Variants in COL14A1 observed in about 807,000 individuals in gnomAD.
COL14A1 encodes the protein collagen type XIV alpha 1 chain.
Under a neutral mutation model 230.3 loss-of-function variants are expected in COL14A1, and 136 were observed. The ratio of observed to expected loss-of-function variants is 0.59; its 90% confidence interval spans 0.51 to 0.68. COL14A1 has a LOEUF of 0.68. Ranked by LOEUF, COL14A1 falls within the 30% of genes least tolerant of loss-of-function variation. COL14A1 has a pLI of 0.00. For synonymous variants in COL14A1, 792 were observed against 784.1 expected (o/e 1.01, Z -0.17); for missense variants, 1,976 against 2,215.8 (o/e 0.89, Z 2.17).
chr8:120,228,872 C>A, intron 18 of COL14A1, 103 bp downstream of exon 18: 1 of 999,032 alleles, frequency 1.0e-6, no homozygotes, highest in Non-Finnish European at 1.5e-6. Flanking sequence ...AAGAGATGAC[C>A]CTCCCTTCCT....
intron 34 of COL14A1, 47 bp from the exon 35 acceptor site, chr8:120,297,464 A>AATTT: frequency 5.4e-6 from 5 of 920,166 alleles, no homozygotes; most frequent in East Asian, 6.5e-5. Context: ...TTATAAAGAT[A>AATTT]ATTTATATAT....
chr8:120,194,826 G>C (rs577132614), intron 5 of COL14A1, among the ~76,000 whole-genome samples: 30 of 152,160 alleles, frequency 2.0e-4, no homozygotes, highest in Admixed American at 4.6e-4. Context: ...GAGAAAAATG[G>C]GTTCTTGAAG....
chr8:120,210,050 T>G, intron 12 of COL14A1, 149 bp downstream of exon 12: 1 of 539,888 alleles, frequency 1.9e-6, no homozygotes, highest in Non-Finnish European at 2.8e-6. Flanking sequence ...CACTGAGAGA[T>G]AGCCATTGTT....
chr8:120,247,781 T>G lies in COL14A1; in HGVS notation c.2602+46T>G, dbSNP rs116034542. The G allele has an allele frequency of 3.0e-3, 4,730 of 1,594,444 alleles. 113 individuals carry two copies. The African/African-American group carries it at 0.054, about 18-fold the overall frequency. Reference sequence around the variant, plus strand: ...AATGTTGATACCATGAGTAGTCACTTAAAATGTCTTTTAAGATAAATTGTT... The same window carrying G: ...AATGTTGATACCATGAGTAGTCACTGAAAATGTCTTTTAAGATAAATTGTT... On this transcript the variant is annotated intron_variant, in intron 21 of 47. Coordinates refer to ENST00000297848, the MANE Select transcript of COL14A1 (RefSeq NM_021110.4).
At chr8:120,210,680 C>A (rs948680590) in intron 12 of COL14A1, among the ~76,000 whole-genome samples, 2 of 152,138 alleles carry the variant, frequency 1.3e-5, no homozygotes, top group Admixed American at 1.3e-4. Flanking sequence ...GGATGAATCT[C>A]TGGCACTTGG....
intron 2 of COL14A1, among the ~76,000 whole-genome samples, chr8:120,153,044 A>C (rs1010301353): frequency 1.3e-5 from 2 of 150,752 alleles, no homozygotes; most frequent in African/African-American, 4.9e-5. Flanking sequence ...AAATTACAAC[A>C]TATGAGGTTC....
chr8:120,149,674 A>T (rs1815210268), intron 2 of COL14A1, among the ~76,000 whole-genome samples: 1 of 145,068 alleles, frequency 6.9e-6, no homozygotes, highest in Admixed American at 7.5e-5. Flanking sequence ...TGTTAGCCAA[A>T]TTCTGTTTTT....
In COL14A1 at chr8:120,250,782, G is replaced by C. The variant is rs555661953; in HGVS notation, c.2752+16G>C. On this transcript the variant is annotated intron_variant, in intron 22 of 47. Transcript: ENST00000297848. ...GTGAAAACATGTAAGAGCCATTTCC[G>C]ATGGCCTCAGCCGCATATGGGTTTT... is the stretch of plus-strand genomic sequence containing the variant. 6.2e-7 allele frequency: 1 copy of C among 1,613,290 alleles called. No individual in the cohort carries two copies. The highest frequency in any genetic ancestry group is 1.7e-5 in the Admixed American group (1 of 59,844).
chr8:120,297,613 T>C (rs1198564006), intron 35 of COL14A1, 25 bp downstream of exon 35: 1 of 1,298,634 alleles, frequency 7.7e-7, no homozygotes, highest in Non-Finnish European at 1.0e-6. Context: ...TTCATTTCTA[T>C]TGATTTTTTA....
intron 24 of COL14A1, among the ~76,000 whole-genome samples, chr8:120,264,269 A>G (rs1819439371): frequency 6.6e-6 from 1 of 152,156 alleles, no homozygotes; most frequent in South Asian, 2.1e-4. Context: ...TGGTTTATCC[A>G]TGTTGTAGAT....
intron 12 of COL14A1, among the ~76,000 whole-genome samples, chr8:120,212,225 C>G (rs1313353781): frequency 6.6e-6 from 1 of 152,222 alleles, no homozygotes; most frequent in East Asian, 1.9e-4. Flanking sequence ...TATCCTAACA[C>G]AGTTCACATG....
intron 31 of COL14A1, among the ~76,000 whole-genome samples, chr8:120,283,390 C>T (rs182129682): frequency 6.6e-6 from 1 of 152,120 alleles, no homozygotes; most frequent in Admixed American, 6.5e-5. Context: ...ATATCATGCT[C>T]TTAAAAATAT....
At chr8:120,309,241 G>A (rs1820951012) in intron 36 of COL14A1, among the ~76,000 whole-genome samples, 1 of 152,082 alleles carries the variant, frequency 6.6e-6, no homozygotes, top group Non-Finnish European at 1.5e-5. Context: ...GGCCAATCTA[G>A]CTGAATTTAA....
At chr8:120,335,880 A>G (rs577793557) in intron 42 of COL14A1, among the ~76,000 whole-genome samples, 2 of 152,346 alleles carry the variant, frequency 1.3e-5, no homozygotes, top group East Asian at 3.9e-4. Flanking sequence ...GTGTTCAGCC[A>G]GGTAGACAGG....
chr8:120,134,813 A>G (rs1814654454), intron 1 of COL14A1, among the ~76,000 whole-genome samples: 1 of 152,148 alleles, frequency 6.6e-6, no homozygotes, highest in Non-Finnish European at 1.5e-5. Flanking sequence ...TGTCTCTACT[A>G]AAAATACAAA....
intron 14 of COL14A1, 73 bp from the exon 15 acceptor site, chr8:120,225,015 T>C: frequency 1.4e-6 from 2 of 1,430,436 alleles, no homozygotes; most frequent in Non-Finnish European, 1.9e-6. Context: ...CTAAGCGAGC[T>C]ACAGACAATA....
chr8:120,154,256 G>C (rs979314708), intron 2 of COL14A1, among the ~76,000 whole-genome samples: 1 of 152,156 alleles, frequency 6.6e-6, no homozygotes, highest in Non-Finnish European at 1.5e-5. Context: ...ACAGCCAAAA[G>C]TCAACTCTTT....
chr8:120,193,926 G>A (rs930261358), intron 5 of COL14A1, among the ~76,000 whole-genome samples: 2 of 152,184 alleles, frequency 1.3e-5, no homozygotes, highest in Non-Finnish European at 2.9e-5. Context: ...GGGTGGGAGT[G>A]ACCCGGTTTT....
intron 37 of COL14A1, among the ~76,000 whole-genome samples, chr8:120,312,936 G>A (rs1232433825): frequency 2.6e-5 from 4 of 152,190 alleles, no homozygotes; most frequent in Non-Finnish European, 5.9e-5. Context: ...AAGAGACTGA[G>A]GATAGGTAGG....
Sources: allele counts gnomAD v4.1 joint callset (sites outside exome capture counted in the v4.1 genomes callset), GRCh38; gene constraint gnomAD v4.1.1; transcripts MANE v1.5; gene names NCBI Gene and HGNC (gene_info 2026-07-23, HGNC 2026-07-21).